The following SNTG1 variants were observed in gnomAD, a reference collection of about 807,000 sequenced individuals.
SNTG1 encodes syntrophin gamma 1, also known as gamma-1-syntrophin.
SNTG1 carries 39 observed loss-of-function variants against 74.7 expected under a neutral mutation model. The ratio of observed to expected loss-of-function variants is 0.52; its 90% CI spans 0.40 to 0.68. The LOEUF is 0.68. Among genes scored for constraint, SNTG1 ranks in the 30% least tolerant of loss-of-function variants. The probability of loss-of-function intolerance (pLI) is 0.00; values close to 1 mark genes in which losing one functional copy is unlikely to be tolerated. For missense variants in SNTG1, 685 were observed against 609.5 expected, an observed-to-expected ratio of 1.12 and a Z score of -1.30; for synonymous variants, 254 against 217.1, an observed-to-expected ratio of 1.17 and a Z score of -1.49.
chr8:50,550,632 C>T (rs913732497), intron 11 of SNTG1, among the ~76,000 whole-genome samples: 2 of 151,960 alleles, frequency 1.3e-5, no homozygotes, highest in Admixed American at 6.5e-5. Context: ...AGTGGAAAAA[C>T]AAGCCTGAAC....
intron 1 of SNTG1, among the ~76,000 whole-genome samples, chr8:49,924,355 A>G (rs889419261): frequency 1.3e-5 from 2 of 152,210 alleles, no homozygotes; most frequent in African/African-American, 4.8e-5. Flanking sequence ...CTAAATTTCA[A>G]TGTCAGGTGG....
At chr8:50,164,501 T>G (rs1004242768) in intron 1 of SNTG1, 5 of 152,328 alleles carry the variant, frequency 3.3e-5, no homozygotes, top group African/African-American at 1.2e-4. Context: ...ATATTTAAAA[T>G]TAGATAGGTT....
chr8:50,503,514 A>G (rs2093981394), intron 9 of SNTG1, among the ~76,000 whole-genome samples: 1 of 152,206 alleles, frequency 6.6e-6, no homozygotes, highest in Non-Finnish European at 1.5e-5. Flanking sequence ...TCTTACAATC[A>G]TAAAACTGTT....
intron 3 of SNTG1, among the ~76,000 whole-genome samples, chr8:50,400,056 G>T (rs1044396245): frequency 1.3e-5 from 2 of 152,202 alleles, no homozygotes; most frequent in African/African-American, 4.8e-5. Flanking sequence ...GAGAACAAAA[G>T]CAGTTTAGAG....
At chr8:50,162,338 G>A (rs915658639) in intron 1 of SNTG1, among the ~76,000 whole-genome samples, 39 of 151,956 alleles carry the variant, frequency 2.6e-4, no homozygotes, top group Admixed American at 6.6e-5. Flanking sequence ...CGAGGCGGGC[G>A]TATCACGAGG....
chr8:50,432,544 C>T (rs2093249902), intron 4 of SNTG1, among the ~76,000 whole-genome samples: 1 of 151,976 alleles, frequency 6.6e-6, no homozygotes, highest in Non-Finnish European at 1.5e-5. Flanking sequence ...TGCTAGTATC[C>T]ACAAATAGCT....
At chr8:50,010,151 C>A (rs1815636083) in intron 1 of SNTG1, among the ~76,000 whole-genome samples, 1 of 152,052 alleles carries the variant, frequency 6.6e-6, no homozygotes, top group East Asian at 1.9e-4. Context: ...AAGGATTTTG[C>A]TCTTAGTAGT....
intron 2 of SNTG1, among the ~76,000 whole-genome samples, chr8:50,388,537 A>G (rs1339792849): frequency 6.6e-6 from 1 of 152,158 alleles, no homozygotes; most frequent in Non-Finnish European, 1.5e-5. Flanking sequence ...CACTGTTGGT[A>G]CCCAAATCTA....
intron 1 of SNTG1, among the ~76,000 whole-genome samples, chr8:49,982,865 T>C (rs1424341193): frequency 6.6e-6 from 1 of 152,182 alleles, no homozygotes; most frequent in African/African-American, 2.4e-5. Flanking sequence ...TCAGAATTAG[T>C]ATTAAATTGT....
chr8:50,469,391 C>T (rs1213131073), intron 8 of SNTG1, among the ~76,000 whole-genome samples: 2 of 152,112 alleles, frequency 1.3e-5, no homozygotes, highest in African/African-American at 4.8e-5. Context: ...TCCACCCCCA[C>T]CACGGTCAGG....
chr8:50,465,030 T>C (rs2093597907), intron 8 of SNTG1, among the ~76,000 whole-genome samples: 1 of 151,480 alleles, frequency 6.6e-6, no homozygotes. Flanking sequence ...ATATGTAATA[T>C]CTGCAGAGGT....
intron 15 of SNTG1, among the ~76,000 whole-genome samples, chr8:50,694,294 A>G (rs2095395037): frequency 6.6e-6 from 1 of 152,104 alleles, no homozygotes; most frequent in Non-Finnish European, 1.5e-5. Context: ...AGGATCATAA[A>G]CAAATTTATG....
chr8:50,590,824 C>A, intron 12 of SNTG1, 55 bp from the exon 13 acceptor site: 1 of 1,174,410 alleles, frequency 8.5e-7, no homozygotes, highest in Non-Finnish European at 1.2e-6. Flanking sequence ...ATTCTGGGGA[C>A]CTTGTGTTAC....
At chr8:50,766,759 C>A (rs531097282) in intron 18 of SNTG1, among the ~76,000 whole-genome samples, 3 of 151,772 alleles carry the variant, frequency 2.0e-5, no homozygotes, top group East Asian at 1.9e-4. Flanking sequence ...ATCTGCTGCC[C>A]ATATGTCCTC....
intron 1 of SNTG1, chr8:49,914,859 T>C (rs1394213523): frequency 5.9e-5 from 9 of 152,214 alleles, no homozygotes; most frequent in Admixed American, 4.6e-4. Flanking sequence ...AAGCATATTG[T>C]AAGCTAGAAA....
At chr8:50,214,091 A>T (rs1247650388) in intron 2 of SNTG1, among the ~76,000 whole-genome samples, 1 of 152,032 alleles carries the variant, frequency 6.6e-6, no homozygotes, top group Non-Finnish European at 1.5e-5. Flanking sequence ...AAAAATGATG[A>T]GTTCATGTCC....
intron 8 of SNTG1, among the ~76,000 whole-genome samples, chr8:50,459,439 T>A (rs2093539475): frequency 6.6e-6 from 1 of 152,186 alleles, no homozygotes; most frequent in Non-Finnish European, 1.5e-5. Context: ...AAATAAAATA[T>A]TCGAATATAT....
chr8:50,406,428 T>G (rs887588197), intron 4 of SNTG1, among the ~76,000 whole-genome samples: 1 of 152,160 alleles, frequency 6.6e-6, no homozygotes, highest in Non-Finnish European at 1.5e-5. Context: ...GTTCTAATAG[T>G]TTATTGCGGA....
chr8:50,750,944 C>T (rs2095565916), intron 17 of SNTG1, among the ~76,000 whole-genome samples: 1 of 151,868 alleles, frequency 6.6e-6, no homozygotes, highest in Non-Finnish European at 1.5e-5. Context: ...TTATCTATCA[C>T]ATTTTATTCT....
Sources: gnomAD v4.1 joint callset for allele counts (sites outside exome capture counted in the v4.1 genomes callset) on GRCh38, gnomAD v4.1.1 for gene constraint, MANE v1.5 for transcripts, NCBI Gene and HGNC (gene_info 2026-07-23, HGNC 2026-07-21) for gene names.